The following FRMD4A variants were observed in gnomAD, a reference collection of about 807,000 sequenced individuals.
The protein encoded by FRMD4A is FERM domain-containing protein 4A.
In FRMD4A, 29 loss-of-function variants were observed where a neutral mutation model predicts 129.1. That is an observed-to-expected ratio of 0.22 (90% CI 0.17 to 0.31). The LOEUF (loss-of-function observed/expected upper bound fraction) is 0.31, where lower values mean the gene tolerates loss of function less well. Ranked by LOEUF, FRMD4A falls within the 10% of genes least tolerant of loss-of-function variation. The pLI, the probability that FRMD4A is intolerant of heterozygous loss-of-function variation, is 1.00. For missense variants in FRMD4A, 1,272 were observed against 1,375.8 expected (o/e 0.92, Z 1.19); for synonymous variants, 634 against 571.6 (o/e 1.11, Z -1.56).
intron 2 of FRMD4A, among the ~76,000 whole-genome samples, chr10:14,171,840 T>A (rs1841492295): frequency 6.6e-6 from 1 of 152,160 alleles, no homozygotes; most frequent in African/African-American, 2.4e-5. Flanking sequence ...TACCAGGAAA[T>A]CAGAAACTTC....
chr10:14,118,095 A>G (rs1838295558), intron 2 of FRMD4A, among the ~76,000 whole-genome samples: 1 of 152,202 alleles, frequency 6.6e-6, no homozygotes, highest in Non-Finnish European at 1.5e-5. Flanking sequence ...TGATATTTTA[A>G]AAGACTGTGA....
At chr10:14,187,419 A>G (rs931626283) in intron 2 of FRMD4A, among the ~76,000 whole-genome samples, 2 of 152,194 alleles carry the variant, frequency 1.3e-5, no homozygotes, top group African/African-American at 4.8e-5. Flanking sequence ...CTTTTTCAAC[A>G]TACTGTTGGC....
At chr10:14,123,943 C>A (rs569825946) in intron 2 of FRMD4A, among the ~76,000 whole-genome samples, 1 of 152,168 alleles carries the variant, frequency 6.6e-6, no homozygotes, top group Admixed American at 6.5e-5. Flanking sequence ...ATTCTGCAAC[C>A]CATTTGCTCC....
At chr10:13,982,097 A>G (rs891738867) in intron 2 of FRMD4A, among the ~76,000 whole-genome samples, 1 of 152,188 alleles carries the variant, frequency 6.6e-6, no homozygotes, top group African/African-American at 2.4e-5. Context: ...GTTTCTGGAA[A>G]CCAGAACCCT....
chr10:13,829,736 C>T (rs1262493319), intron 3 of FRMD4A, among the ~76,000 whole-genome samples: 1 of 152,212 alleles, frequency 6.6e-6, no homozygotes, highest in Non-Finnish European at 1.5e-5. Context: ...TTAGCCCCAA[C>T]CACCCTTAGT....
At chr10:13,714,532 T>C (rs891179031) in intron 12 of FRMD4A, among the ~76,000 whole-genome samples, 1 of 152,114 alleles carries the variant, frequency 6.6e-6, no homozygotes, top group African/African-American at 2.4e-5. Context: ...ATTCATGTAG[T>C]AGTCTTCTAC....
intron 2 of FRMD4A, among the ~76,000 whole-genome samples, chr10:14,220,111 G>A (rs6602717): frequency 6.6e-6 from 1 of 152,022 alleles, no homozygotes; most frequent in Non-Finnish European, 1.5e-5. Flanking sequence ...TGTCATCCCA[G>A]AACTTACGTT....
intron 2 of FRMD4A, among the ~76,000 whole-genome samples, chr10:13,911,009 A>G (rs532230832): frequency 2.6e-5 from 4 of 151,640 alleles, no homozygotes; most frequent in African/African-American, 7.3e-5. Context: ...TCAAAATTGT[A>G]TTCTAGGTAT....
intron 3 of FRMD4A, among the ~76,000 whole-genome samples, chr10:13,827,926 C>T (rs1469425565): frequency 6.6e-6 from 1 of 152,132 alleles, no homozygotes. Context: ...CCCTTGGGCT[C>T]GAAGCCCCTC....
chr10:13,722,179 G>A (rs1385746589), intron 12 of FRMD4A, among the ~76,000 whole-genome samples: 1 of 151,652 alleles, frequency 6.6e-6, no homozygotes, highest in East Asian at 1.9e-4. Flanking sequence ...GGAAAAGCTA[G>A]AGAGAAAGAA....
At chr10:14,264,398 T>A (rs1430771886) in intron 2 of FRMD4A, among the ~76,000 whole-genome samples, 1 of 152,344 alleles carries the variant, frequency 6.6e-6, no homozygotes, top group East Asian at 1.9e-4. Flanking sequence ...AAGCCATCAT[T>A]CTAAAAACAA....
intron 2 of FRMD4A, among the ~76,000 whole-genome samples, chr10:13,883,555 A>G (rs2094571413): frequency 6.6e-6 from 1 of 152,212 alleles, no homozygotes; most frequent in African/African-American, 2.4e-5. Flanking sequence ...CTATTCTCGT[A>G]TTCTCTGAGT....
At chr10:14,139,791 CG>C (rs1456386512) in intron 2 of FRMD4A, among the ~76,000 whole-genome samples, 1 of 152,106 alleles carries the variant, frequency 6.6e-6, no homozygotes, top group Non-Finnish European at 1.5e-5. Context: ...CTTGGGCTTC[CG>C]GGACAGCAGA....
chr10:14,118,299 C>G (rs975812899), intron 2 of FRMD4A, among the ~76,000 whole-genome samples: 1 of 152,144 alleles, frequency 6.6e-6, no homozygotes, highest in South Asian at 2.1e-4. Context: ...GAGAGCCGTT[C>G]TTGGTAGCAC....
intron 2 of FRMD4A, among the ~76,000 whole-genome samples, chr10:14,320,532 T>C (rs1589309406): frequency 1.3e-5 from 2 of 152,214 alleles, no homozygotes; most frequent in Admixed American, 1.3e-4. Flanking sequence ...CTACAAACCA[T>C]GTGGACTAGC....
intron 2 of FRMD4A, among the ~76,000 whole-genome samples, chr10:14,063,119 TAAG>T (rs1031261596): frequency 6.6e-6 from 1 of 152,132 alleles, no homozygotes; most frequent in Admixed American, 6.5e-5. Context: ...GCTTTACACT[TAAG>T]AAGCAGAGAA....
At chr10:13,672,522 A>G (rs932824199) in intron 16 of FRMD4A, among the ~76,000 whole-genome samples, 2 of 152,166 alleles carry the variant, frequency 1.3e-5, no homozygotes, top group African/African-American at 2.4e-5. Flanking sequence ...TGGTTTTAAA[A>G]TGTAGTTTAA....
chr10:14,216,395 G>T (rs1250587950), intron 2 of FRMD4A, among the ~76,000 whole-genome samples: 6 of 152,168 alleles, frequency 3.9e-5, no homozygotes, highest in Non-Finnish European at 8.8e-5. Context: ...AGAAGGCTGG[G>T]CGCAATGACT....
At chr10:13,902,192 T>C (rs1377229365) in intron 2 of FRMD4A, among the ~76,000 whole-genome samples, 1 of 152,016 alleles carries the variant, frequency 6.6e-6, no homozygotes, top group Non-Finnish European at 1.5e-5. Flanking sequence ...AATTTTTATT[T>C]TTAAATTTTT....
Sources: allele counts gnomAD v4.1 joint callset (sites outside exome capture counted in the v4.1 genomes callset), GRCh38; gene constraint gnomAD v4.1.1; transcripts MANE v1.5; gene names NCBI Gene and HGNC (gene_info 2026-07-23, HGNC 2026-07-21).